Variants in IKBKB observed in about 807,000 individuals in gnomAD.
The protein encoded by IKBKB is inhibitor of nuclear factor kappa-B kinase subunit beta.
IKBKB carries 42 observed loss-of-function variants against 113.6 expected under a neutral mutation model. The ratio of observed to expected loss-of-function variants is 0.37; its 90% CI spans 0.29 to 0.48. The LOEUF is 0.48. IKBKB is among the 20% of genes least tolerant of loss of function. The probability of loss-of-function intolerance (pLI) is 0.99; values close to 1 mark genes in which losing one functional copy is unlikely to be tolerated. For missense variants in IKBKB, 673 were observed against 939.7 expected (o/e 0.72, Z 3.71); for synonymous variants, 296 against 361.3 (o/e 0.82, Z 2.05).
chr8:42,318,566 A>G lies in IKBKB; in HGVS notation c.1255A>G (p.Arg419Gly), dbSNP rs896756037. Residue 419 changes from arginine to glycine, a missense_variant, in exon 13 of 22, where the codon AGG becomes GGG. This residue lies in a region of IKBKB where 506 missense variants were observed against 638.7 expected (regional missense o/e 0.79). Coordinates refer to ENST00000520810, the MANE Select transcript of IKBKB (RefSeq NM_001556.3). ...SVSCILQEPK[R>G]NLAFFQLRKV... ...TCTGTCTCCAGTTCAAGAGCCCAAG[A>G]GGAATCTCGCCTTCTTCCAGCTGAG... The G allele has an allele frequency of 1.9e-6, 3 of 1,613,956 alleles. No individual in the cohort carries two copies. In the Admixed American group the frequency reaches 5.0e-5, roughly 27 times the overall value.
At chr8:42,320,315 A>C in intron 15 of IKBKB, 1 of 176,458 alleles carries the variant, frequency 5.7e-6, no homozygotes, top group South Asian at 1.2e-4. Flanking sequence ...CCATCTTGGG[A>C]CTCATAATCT....
At position 42,331,077 on chromosome 8, in the gene IKBKB, C is replaced by T. The variant is rs200758695; in HGVS notation, c.*98C>T. ...TGACATGGGGCTGCCTGGAGCAGGC[C>T]GCGTGACGTGGGGCTGCCTGGCCGC... On this transcript the variant is annotated 3_prime_UTR_variant, in exon 22 of 22. Coordinates refer to ENST00000520810, the MANE Select transcript of IKBKB (RefSeq NM_001556.3). 21 of 1,574,640 alleles carry T rather than the reference C, an allele frequency of 1.3e-5. No homozygotes were observed. Among genetic ancestry groups the T allele is most frequent in the Middle Eastern group, 2.1e-4 (1 of 4,838 alleles).
At chr8:42,284,341 G>A (rs1444144671) in intron 2 of IKBKB, among the ~76,000 whole-genome samples, 1 of 152,160 alleles carries the variant, frequency 6.6e-6, no homozygotes, top group Non-Finnish European at 1.5e-5. Flanking sequence ...CCAGCACTTT[G>A]GGAGGCCGAG....
At chr8:42,293,600 CT>C (rs766827454) in intron 5 of IKBKB, 88 bp downstream of exon 5, 1 of 1,607,898 alleles carries the variant, frequency 6.2e-7, no homozygotes, top group South Asian at 1.1e-5. Context: ...CAGGCAGACA[CT>C]TCAATCCTTT....
At chr8:42,312,282 TAGA>T (rs1335412503) in intron 8 of IKBKB, among the ~76,000 whole-genome samples, 1 of 152,202 alleles carries the variant, frequency 6.6e-6, no homozygotes, top group Non-Finnish European at 1.5e-5. Context: ...CCATTAGAAC[TAGA>T]AGAACAGGTG....
chr8:42,288,012 G>T (rs1167243064), intron 2 of IKBKB, among the ~76,000 whole-genome samples: 1 of 152,144 alleles, frequency 6.6e-6, no homozygotes, highest in East Asian at 1.9e-4. Flanking sequence ...CTCTGCGCAG[G>T]AATGGTCAGT....
Position 42,319,255 on chromosome 8 carries a change from T to A in IKBKB, c.1365-15T>A. The A allele has an allele frequency of 6.2e-7, 1 of 1,613,672 alleles. No individual in the cohort carries two copies. The highest frequency in any genetic ancestry group is 1.3e-5 in the African/African-American group (1 of 75,054). On this transcript the variant is annotated splice_polypyrimidine_tract_variant and intron_variant, in intron 13 of 21. Coordinates refer to ENST00000520810, the MANE Select transcript of IKBKB (RefSeq NM_001556.3). ...CCCAGAGATGCTCCAAGACTGTTCC[T>A]TGTGGTCCCTGCAGGATGAATCTCC... is the stretch of plus-strand genomic sequence containing the variant.
intron 19 of IKBKB, chr8:42,325,629 A>G: frequency 9.7e-7 from 1 of 1,028,166 alleles, no homozygotes; most frequent in Non-Finnish European, 1.2e-6. Context: ...CAGTGAGCCA[A>G]GATCGCACAT....
Position 42,331,585 on chromosome 8 carries a change from T to A in IKBKB, c.*606T>A. 1.7e-6 allele frequency: 1 copy of A among 597,256 alleles called. No individual in the cohort carries two copies. Among genetic ancestry groups the A allele is most frequent in the African/African-American group, 1.9e-5 (1 of 53,932 alleles). 37.0% of individuals were successfully genotyped at this position (597,256 alleles called of 1,614,324 possible). The stretch of plus-strand genomic sequence containing the variant: ...TCACTTCCTCTTTTTATTTCACTGC[T>A]GCTAAAATTGTGTTTTTACCTACTA... On this transcript the variant is annotated 3_prime_UTR_variant, in exon 22 of 22. Coordinates refer to ENST00000520810, the MANE Select transcript of IKBKB (RefSeq NM_001556.3).
chr8:42,289,032 C>T (rs1812015240), intron 3 of IKBKB, among the ~76,000 whole-genome samples: 1 of 151,562 alleles, frequency 6.6e-6, no homozygotes, highest in Non-Finnish European at 1.5e-5. Context: ...ACTCCAATGA[C>T]AAGGAAACCC....
intron 2 of IKBKB, among the ~76,000 whole-genome samples, chr8:42,283,806 C>G (rs990395430): frequency 1.3e-5 from 2 of 152,188 alleles, no homozygotes; most frequent in African/African-American, 4.8e-5. Context: ...ATTGAAGTTA[C>G]GTTGCTGCAG....
At chr8:42,271,648 G>A in intron 1 of IKBKB, 179 bp downstream of exon 1, 2 of 541,540 alleles carry the variant, frequency 3.7e-6, no homozygotes. Context: ...CCCTGGGGTG[G>A]CTTCTTGGGG....
chr8:42,292,627 T>C (rs993708953), intron 4 of IKBKB, among the ~76,000 whole-genome samples: 1 of 152,208 alleles, frequency 6.6e-6, no homozygotes, highest in Admixed American at 6.5e-5. Context: ...GATGAGTGTT[T>C]ATGAATATGA....
At chr8:42,319,969 C>G in intron 15 of IKBKB, 2 of 283,150 alleles carry the variant, frequency 7.1e-6, no homozygotes, top group East Asian at 6.4e-5. Flanking sequence ...AACACTCCCT[C>G]TTGTCGAAGG....
At chr8:42,297,819 C>T (rs1278020370) in intron 5 of IKBKB, among the ~76,000 whole-genome samples, 3 of 151,974 alleles carry the variant, frequency 2.0e-5, no homozygotes, top group South Asian at 2.1e-4. Context: ...CACTTGAACC[C>T]GGGAGGCAGA....
At chr8:42,320,509 A>G (rs1388292527) in intron 15 of IKBKB, 1 of 481,786 alleles carries the variant, frequency 2.1e-6, no homozygotes, top group Non-Finnish European at 3.7e-6. Flanking sequence ...GCAAAAGGAA[A>G]CTGTAGCTGG....
At chr8:42,286,668 C>T (rs762762755) in intron 2 of IKBKB, among the ~76,000 whole-genome samples, 7 of 152,244 alleles carry the variant, frequency 4.6e-5, no homozygotes, top group South Asian at 2.1e-4. Context: ...GGTTTTGCCA[C>T]GTTGCCCAGG....
Position 42,331,573 on chromosome 8 carries a change from T to G in IKBKB, c.*594T>G. The G allele has an allele frequency of 1.7e-6, 1 of 599,754 alleles. No homozygotes were observed. The highest frequency in any genetic ancestry group is 3.0e-6 in the Non-Finnish European group (1 of 336,686). The allele number at this position is 599,754 out of a possible 1,614,324, so 37.2% of individuals were successfully genotyped here. On this transcript the variant is annotated 3_prime_UTR_variant, in exon 22 of 22. Transcript: ENST00000520810. ...CTGGCCCCATCCTCACTTCCTCTTT[T>G]TATTTCACTGCTGCTAAAATTGTGT...
chr8:42,308,817 G>A (rs1366781628), intron 7 of IKBKB, 84 bp from the exon 8 acceptor site: 4 of 1,371,972 alleles, frequency 2.9e-6, no homozygotes, highest in Non-Finnish European at 4.1e-6. Flanking sequence ...AGCCAGGGGT[G>A]AAAGCAGATG....
Sources: gnomAD v4.1 joint callset for allele counts (sites outside exome capture counted in the v4.1 genomes callset) on GRCh38, gnomAD v4.1.1 for gene constraint, gnomAD v4.1.1 regional missense constraint, MANE v1.5 for transcripts, NCBI Gene and HGNC (gene_info 2026-07-23, HGNC 2026-07-21) for gene names.